RALYL: variants seen among roughly 807,000 people sequenced by gnomAD.
RALYL encodes RNA-binding Raly-like protein.
A neutral mutation model predicts 35.1 loss-of-function variants in RALYL; 29 were observed. That is an observed-to-expected ratio of 0.83 (90% CI 0.61 to 1.13). The LOEUF (loss-of-function observed/expected upper bound fraction) is 1.13, where lower values mean the gene tolerates loss of function less well. RALYL is among the 50% of genes most tolerant of loss of function. RALYL has a pLI of 0.00. For synonymous variants in RALYL, 120 were observed against 127.6 expected (o/e 0.94, Z 0.40); for missense variants, 359 against 360.4 (o/e 1.00, Z 0.03).
At chr8:84,804,742 A>C (rs1034388411) in intron 3 of RALYL, 28 bp from the exon 4 acceptor site, 6 of 1,047,112 alleles carry the variant, frequency 5.7e-6, no homozygotes, top group Non-Finnish European at 7.7e-6. Flanking sequence ...TTTTTATATT[A>C]AAAGAAAATT....
intron 1 of RALYL, among the ~76,000 whole-genome samples, chr8:84,474,568 G>C (rs1235096244): frequency 6.6e-6 from 1 of 151,962 alleles, no homozygotes; most frequent in Non-Finnish European, 1.5e-5. Context: ...ATTCCTCGAT[G>C]GAACTTCAAG....
At chr8:84,249,536 A>T (rs1455820834) in intron 1 of RALYL, among the ~76,000 whole-genome samples, 1 of 152,154 alleles carries the variant, frequency 6.6e-6, no homozygotes, top group Non-Finnish European at 1.5e-5. Flanking sequence ...CTTTATTTTT[A>T]CAATTCTACA....
chr8:84,187,020 A>G (rs1347181380), intron 1 of RALYL, among the ~76,000 whole-genome samples: 2 of 151,946 alleles, frequency 1.3e-5, no homozygotes, highest in Non-Finnish European at 2.9e-5. Context: ...AGATCTTTTC[A>G]ACTGCTTACT....
chr8:84,241,283 T>C (rs1364125331), intron 1 of RALYL, among the ~76,000 whole-genome samples: 1 of 152,204 alleles, frequency 6.6e-6, no homozygotes, highest in African/African-American at 2.4e-5. Flanking sequence ...ATATAGTCTC[T>C]GCTTCCTCCT....
At chr8:84,237,519 G>A (rs1826847383) in intron 1 of RALYL, among the ~76,000 whole-genome samples, 1 of 149,006 alleles carries the variant, frequency 6.7e-6, no homozygotes, top group African/African-American at 2.5e-5. Context: ...TCCCTTTCTG[G>A]AAATAATTTT....
chr8:84,356,892 A>C (rs1363139053), intron 1 of RALYL, among the ~76,000 whole-genome samples: 440 of 151,770 alleles, frequency 2.9e-3, no homozygotes, highest in African/African-American at 8.9e-3. Flanking sequence ...ATATATATAT[A>C]GAATAATAGA....
At chr8:84,505,696 T>G (rs184432366) in intron 1 of RALYL, among the ~76,000 whole-genome samples, 1 of 151,736 alleles carries the variant, frequency 6.6e-6, no homozygotes, top group African/African-American at 2.4e-5. Context: ...TAGTTTTCGA[T>G]GATTTAATAT....
intron 1 of RALYL, among the ~76,000 whole-genome samples, chr8:84,514,792 T>C (rs114469593): frequency 2.1e-3 from 325 of 152,286 alleles, no homozygotes; most frequent in African/African-American, 7.3e-3. Flanking sequence ...TTGTGTTGTA[T>C]GTGGATTGTT....
chr8:84,361,147 T>C (rs1852934841), intron 1 of RALYL, among the ~76,000 whole-genome samples: 2 of 152,124 alleles, frequency 1.3e-5, no homozygotes, highest in African/African-American at 4.8e-5. Context: ...TAAGGGAAAA[T>C]GAATTTAGTG....
At chr8:84,808,299 G>A (rs1327859995) in intron 4 of RALYL, among the ~76,000 whole-genome samples, 1 of 152,112 alleles carries the variant, frequency 6.6e-6, no homozygotes, top group Non-Finnish European at 1.5e-5. Flanking sequence ...CTTTGTCGAA[G>A]ATCATTTGGC....
At chr8:84,409,635 TA>T (rs2043904831) in intron 1 of RALYL, among the ~76,000 whole-genome samples, 1 of 152,024 alleles carries the variant, frequency 6.6e-6, no homozygotes, top group South Asian at 2.1e-4. Flanking sequence ...TGACATTTTT[TA>T]ATGAAGAATG....
intron 2 of RALYL, among the ~76,000 whole-genome samples, chr8:84,720,046 A>G (rs1183060893): frequency 6.6e-6 from 1 of 152,094 alleles, no homozygotes; most frequent in Non-Finnish European, 1.5e-5. Context: ...ACTTCACTTA[A>G]TGTAGTGTCC....
At chr8:84,791,035 G>C (rs1820654266) in intron 3 of RALYL, among the ~76,000 whole-genome samples, 2 of 152,184 alleles carry the variant, frequency 1.3e-5, no homozygotes, top group East Asian at 3.8e-4. Context: ...AAAAATCTCT[G>C]TCCTTGCCTT....
At chr8:84,302,153 A>G (rs1410629490) in intron 1 of RALYL, among the ~76,000 whole-genome samples, 1 of 152,114 alleles carries the variant, frequency 6.6e-6, no homozygotes, top group Non-Finnish European at 1.5e-5. Context: ...GGAGTCACTT[A>G]CCCCATCTTT....
At chr8:84,573,692 G>T (rs1291946827) in intron 2 of RALYL, among the ~76,000 whole-genome samples, 3 of 151,698 alleles carry the variant, frequency 2.0e-5, no homozygotes, top group Non-Finnish European at 4.4e-5. Flanking sequence ...GTTTACTGAA[G>T]TTCCTGTCAG....
intron 1 of RALYL, among the ~76,000 whole-genome samples, chr8:84,433,697 G>C (rs1280320247): frequency 1.3e-5 from 2 of 151,868 alleles, no homozygotes; most frequent in Non-Finnish European, 2.9e-5. Context: ...ATGATTCTGA[G>C]GCCTCCCCAG....
At chr8:84,464,006 C>T (rs2051169098) in intron 1 of RALYL, among the ~76,000 whole-genome samples, 1 of 151,936 alleles carries the variant, frequency 6.6e-6, no homozygotes, top group South Asian at 2.1e-4. Context: ...CTTCACTTGT[C>T]ATAATTCTCT....
Position 84,559,112 on chromosome 8 carries a change from T to G in RALYL, c.256+29535T>G, listed in dbSNP as rs1174741983. Among the ~76,000 whole-genome samples, 3 of 152,088 alleles carry G rather than the reference T, an allele frequency of 2.0e-5. No individual in the cohort carries two copies. In the South Asian group the frequency reaches 6.2e-4, roughly 31 times the overall value. ...TCCTCTAACATTTTTTTTAAATTAC[T>G]GAGTGATATTTTTTTTAAATTACTG... On this transcript the variant is annotated intron_variant, in intron 2 of 8. Transcript: ENST00000521268.
At chr8:84,277,362 A>T (rs535687271) in intron 1 of RALYL, among the ~76,000 whole-genome samples, 1 of 152,216 alleles carries the variant, frequency 6.6e-6, no homozygotes, top group East Asian at 1.9e-4. Flanking sequence ...CCATGATTGA[A>T]TTATCTCCAC....
Sources: gnomAD v4.1 joint callset for allele counts (sites outside exome capture counted in the v4.1 genomes callset) on GRCh38, gnomAD v4.1.1 for gene constraint, MANE v1.5 for transcripts, NCBI Gene and HGNC (gene_info 2026-07-23, HGNC 2026-07-21) for gene names.